Variants in CALU observed in about 807,000 individuals in gnomAD.
The protein encoded by CALU is IEF SSP 9302.
In CALU, 13 loss-of-function variants were observed where a neutral mutation model predicts 37.5. That is an observed-to-expected ratio of 0.35 (90% CI 0.23 to 0.55). The LOEUF is 0.55. Ranked by LOEUF, CALU falls within the 20% of genes least tolerant of loss-of-function variation. The pLI, the probability that CALU is intolerant of heterozygous loss-of-function variation, is 0.89. For missense variants in CALU, 282 were observed against 391.7 expected (o/e 0.72, Z 2.36); for synonymous variants, 114 against 133.8 (o/e 0.85, Z 1.02).
At position 128,769,317 on chromosome 7, in the gene CALU, C is replaced by T; in HGVS notation, c.*150C>T. On this transcript the variant is annotated 3_prime_UTR_variant, in exon 7 of 7. Transcript: ENST00000249364. Reference sequence around the variant, plus strand: ...AAACCATCCCGTCCCCATTCCTCCTCCTCTCTGAGGGACTGGAGGGAAGCC... The same window carrying T: ...AAACCATCCCGTCCCCATTCCTCCTTCTCTCTGAGGGACTGGAGGGAAGCC... 1 of 543,170 alleles carries T rather than the reference C, an allele frequency of 1.8e-6. No individual in the cohort carries two copies. The allele number at this position is 543,170 out of a possible 1,614,324, so 33.6% of individuals were successfully genotyped here.
chr7:128,746,459 C>CT (rs966285350), intron 1 of CALU, among the ~76,000 whole-genome samples: 3 of 151,298 alleles, frequency 2.0e-5, no homozygotes, highest in African/African-American at 7.3e-5. Context: ...TGCCTGGCTG[C>CT]TTTTTTTATT....
chr7:128,764,657 G>A (rs1165232410), intron 5 of CALU, among the ~76,000 whole-genome samples: 1 of 151,956 alleles, frequency 6.6e-6, no homozygotes, highest in Non-Finnish European at 1.5e-5. Context: ...AAGTGGCATT[G>A]TGGGTATATA....
Position 128,767,573 on chromosome 7 carries a change from C to T in CALU, c.761C>T (p.Thr254Ile), listed in dbSNP as rs2128883514. The T allele has an allele frequency of 6.2e-7, 1 of 1,614,114 alleles. No homozygotes were observed. Among genetic ancestry groups the T allele is most frequent in the African/African-American group, 1.3e-5 (1 of 75,020 alleles). Reference protein sequence around the residue: ...NRDGKMDKEETKDWILPSDYD... With the variant: ...NRDGKMDKEEIKDWILPSDYD... ...GATGGGAAGATGGACAAGGAAGAGA[C>T]CAAAGACTGGATCCTTCCCTCAGAC... The change falls in exon 6 of 7, where the codon ACC becomes ATC. Residue 254 changes from threonine (T) to isoleucine (I), a missense_variant. Coordinates refer to ENST00000249364, the MANE Select transcript of CALU (RefSeq NM_001219.5).
At chr7:128,748,280 T>G (rs1338238830) in intron 1 of CALU, 8 of 1,017,516 alleles carry the variant, frequency 7.9e-6, no homozygotes, top group Non-Finnish European at 1.1e-5. Context: ...GGATTAAAAT[T>G]CTACTTTGGT....
intron 1 of CALU, among the ~76,000 whole-genome samples, chr7:128,741,180 T>C (rs575150865): frequency 6.6e-6 from 1 of 152,376 alleles, no homozygotes; most frequent in East Asian, 1.9e-4. Context: ...GTATGGATGT[T>C]GCTGATGCAG....
At chr7:128,740,574 G>A (rs1329479470) in intron 1 of CALU, among the ~76,000 whole-genome samples, 1 of 145,974 alleles carries the variant, frequency 6.9e-6, no homozygotes, top group Non-Finnish European at 1.5e-5. Context: ...TCCAAATGAG[G>A]GACCAGATAT....
chr7:128,761,738 C>T (rs749692669), intron 5 of CALU: 2 of 152,086 alleles, frequency 1.3e-5, no homozygotes, highest in Non-Finnish European at 2.9e-5. Flanking sequence ...TCTAGCACAC[C>T]ATTGGTTTTG....
intron 6 of CALU, among the ~76,000 whole-genome samples, chr7:128,768,609 C>T (rs1011581817): frequency 2.6e-5 from 4 of 152,138 alleles, no homozygotes; most frequent in Admixed American, 1.3e-4. Context: ...GAGGCCAAGG[C>T]AGGCGGATCA....
intron 1 of CALU, among the ~76,000 whole-genome samples, chr7:128,741,788 C>T (rs1283368430): frequency 1.3e-5 from 2 of 152,202 alleles, no homozygotes; most frequent in Non-Finnish European, 1.5e-5. Flanking sequence ...ATTTCTCTCA[C>T]AATTGATTAT....
In CALU at chr7:128,772,063, G is replaced by GT. The variant is rs763113986; in HGVS notation, c.*2907dup. Reference sequence around the variant, plus strand: ...TATTTGGGGCCACTGAGTTTTTTTTGTTTTTTTTTTTGTTTTGTTTTGTTT... The same window carrying GT: ...TATTTGGGGCCACTGAGTTTTTTTTGTTTTTTTTTTTTGTTTTGTTTTGTTT... On this transcript the variant is annotated 3_prime_UTR_variant, in exon 7 of 7. Coordinates refer to ENST00000249364, the MANE Select transcript of CALU (RefSeq NM_001219.5). Among the ~76,000 whole-genome samples, 1,050 of 66,604 alleles carry GT rather than the reference G, an allele frequency of 0.016. 6 individuals are homozygous for GT. The highest frequency in any genetic ancestry group is 0.054 in the South Asian group (142 of 2,612). The allele number at this position is 66,604 out of a possible 152,430, so 43.7% of individuals were successfully genotyped here.
intron 4 of CALU, 125 bp from the exon 5 acceptor site, chr7:128,759,667 A>T (rs1801024826): frequency 1.6e-6 from 1 of 641,578 alleles, no homozygotes; most frequent in African/African-American, 1.8e-5. Flanking sequence ...ACATACATAC[A>T]TACATACATA....
At chr7:128,744,442 G>A (rs1554469016) in intron 1 of CALU, among the ~76,000 whole-genome samples, 2 of 152,006 alleles carry the variant, frequency 1.3e-5, no homozygotes. Flanking sequence ...AAACAAGAGG[G>A]CTTTGTTAAA....
intron 1 of CALU, among the ~76,000 whole-genome samples, chr7:128,741,967 T>A (rs1426638919): frequency 6.6e-6 from 1 of 152,128 alleles, no homozygotes; most frequent in East Asian, 1.9e-4. Flanking sequence ...ATTCTCAGGG[T>A]TTTTCTTCTG....
intron 2 of CALU, among the ~76,000 whole-genome samples, chr7:128,749,335 A>G (rs1346584401): frequency 1.3e-5 from 2 of 152,198 alleles, no homozygotes; most frequent in Non-Finnish European, 2.9e-5. Context: ...ATTGTAACTT[A>G]ATGTCTGAGT....
At chr7:128,742,882 T>G (rs1800293215) in intron 1 of CALU, among the ~76,000 whole-genome samples, 1 of 152,236 alleles carries the variant, frequency 6.6e-6, no homozygotes, top group African/African-American at 2.4e-5. Flanking sequence ...TGATAGCTAC[T>G]GGATATATTT....
intron 5 of CALU, 83 bp downstream of exon 5, chr7:128,759,935 T>C (rs1801038836): frequency 8.7e-6 from 7 of 803,146 alleles, no homozygotes; most frequent in African/African-American, 3.4e-5. Context: ...CAGTGGCTCA[T>C]GCCTGTAATC....
intron 3 of CALU, among the ~76,000 whole-genome samples, chr7:128,758,191 C>T (rs1357113044): frequency 6.6e-6 from 1 of 151,906 alleles, no homozygotes; most frequent in East Asian, 1.9e-4. Flanking sequence ...TGGGGATGAA[C>T]AATACCTGTC....
chr7:128,756,447 C>T (rs544206572), intron 3 of CALU, among the ~76,000 whole-genome samples: 37 of 152,284 alleles, frequency 2.4e-4, no homozygotes, highest in African/African-American at 7.9e-4. Flanking sequence ...TCCCCAGAGG[C>T]ATGAGGGTGG....
At chr7:128,745,858 A>G (rs1674491716) in intron 1 of CALU, among the ~76,000 whole-genome samples, 8 of 152,194 alleles carry the variant, frequency 5.3e-5, no homozygotes, top group Admixed American at 5.2e-4. Flanking sequence ...TAGACAGTAC[A>G]GCAGGATACA....
Sources: gnomAD v4.1 joint callset for allele counts (sites outside exome capture counted in the v4.1 genomes callset) on GRCh38, gnomAD v4.1.1 for gene constraint, MANE v1.5 for transcripts, NCBI Gene and HGNC (gene_info 2026-07-23, HGNC 2026-07-21) for gene names.